The following CRHR2 variants were observed in gnomAD, a reference collection of about 807,000 sequenced individuals.
CRHR2 encodes corticotropin-releasing hormone receptor 2.
Under a neutral mutation model 57.9 loss-of-function variants are expected in CRHR2, and 53 were observed. The ratio of observed to expected loss-of-function variants is 0.92; its 90% confidence interval spans 0.73 to 1.15. The LOEUF (loss-of-function observed/expected upper bound fraction) is 1.15. Ranked by LOEUF, CRHR2 falls within the 50% of genes most tolerant of loss-of-function variation. The probability of loss-of-function intolerance (pLI) is 0.00; values close to 1 mark genes in which losing one functional copy is unlikely to be tolerated. For missense variants in CRHR2, 532 were observed against 542.6 expected (o/e 0.98, Z 0.19); for synonymous variants, 213 against 220.9 (o/e 0.96, Z 0.32).
chr7:30,655,334 G>C (rs951846532), intron 10 of CRHR2, among the ~76,000 whole-genome samples: 1 of 152,180 alleles, frequency 6.6e-6, no homozygotes, highest in African/African-American at 2.4e-5. Flanking sequence ...CAGGGCATTT[G>C]GTTGGGCTGC....
chr7:30,698,403 G>A (rs921515884), intron 1 of CRHR2, among the ~76,000 whole-genome samples: 2 of 152,082 alleles, frequency 1.3e-5, no homozygotes, highest in African/African-American at 2.4e-5. Context: ...CTGGCAGCAT[G>A]GACCCCAGAG....
chr7:30,655,523 G>A (rs1783747653), intron 10 of CRHR2, 57 bp downstream of exon 10: 1 of 1,569,794 alleles, frequency 6.4e-7, no homozygotes. Flanking sequence ...GGGCATGGCT[G>A]CCAGAGCAGC....
chr7:30,668,666 G>C, intron 2 of CRHR2, among the ~76,000 whole-genome samples: 1 of 152,190 alleles, frequency 6.6e-6, no homozygotes, highest in East Asian at 1.9e-4. Flanking sequence ...AGCACTTGCC[G>C]AAGAGCAAAA....
At chr7:30,685,445 T>TG (rs1266624668), upstream of CRHR2, among the ~76,000 whole-genome samples, 1 of 152,194 alleles carries the variant, frequency 6.6e-6, no homozygotes, top group Non-Finnish European at 1.5e-5. Context: ...AGGGAGTCTA[T>TG]TCAGGCACAG....
At chr7:30,672,767 C>T (rs916769382) in intron 2 of CRHR2, among the ~76,000 whole-genome samples, 3 of 152,222 alleles carry the variant, frequency 2.0e-5, no homozygotes, top group Non-Finnish European at 2.9e-5. Flanking sequence ...AAAGCTTTGA[C>T]TGTTCCAAGG....
chr7:30,678,846 A>T (rs1286186161), intron 2 of CRHR2, among the ~76,000 whole-genome samples: 4 of 152,114 alleles, frequency 2.6e-5, no homozygotes, highest in Non-Finnish European at 5.9e-5. Context: ...ATTTGCTCTT[A>T]CAGCCTGCGG....
chr7:30,691,743 C>T (rs181832461), intron 1 of CRHR2, among the ~76,000 whole-genome samples: 118 of 152,316 alleles, frequency 7.7e-4, no homozygotes, highest in African/African-American at 2.6e-3. Flanking sequence ...GCTGACACAG[C>T]CAAAGATACT....
chr7:30,682,516 C>A (rs990738964), upstream of CRHR2: 32 of 1,260,978 alleles, frequency 2.5e-5, no homozygotes, highest in East Asian at 3.4e-5. Flanking sequence ...GCCGCTCCGC[C>A]GCGGCCAATG....
intron 6 of CRHR2, 69 bp from the exon 7 acceptor site, chr7:30,662,285 G>T: frequency 6.4e-7 from 1 of 1,553,426 alleles, no homozygotes; most frequent in South Asian, 1.1e-5. Flanking sequence ...ACATACCGTG[G>T]GGTACCACAA....
intron 10 of CRHR2, 70 bp from the exon 11 acceptor site, chr7:30,655,150 A>C: frequency 6.7e-7 from 1 of 1,493,784 alleles, no homozygotes; most frequent in South Asian, 1.2e-5. Context: ...GTGGGGTGGC[A>C]CTGGGGACAA....
At chr7:30,662,528 C>G (rs1246413470) in intron 6 of CRHR2, among the ~76,000 whole-genome samples, 166 bp downstream of exon 6, 1 of 152,208 alleles carries the variant, frequency 6.6e-6, no homozygotes, top group Non-Finnish European at 1.5e-5. Flanking sequence ...TTGGAGAGAT[C>G]CTTTGCTTGT....
At chr7:30,655,005 T>A (rs969351443) in intron 11 of CRHR2, 34 bp downstream of exon 11, 14 of 1,608,628 alleles carry the variant, frequency 8.7e-6, no homozygotes, top group Non-Finnish European at 1.2e-5. Context: ...AGGACCTGGA[T>A]ATCCCAGGCC....
intron 2 of CRHR2, among the ~76,000 whole-genome samples, chr7:30,672,594 T>C (rs1048288448): frequency 6.6e-6 from 1 of 152,160 alleles, no homozygotes; most frequent in African/African-American, 2.4e-5. Context: ...TACAAAACAG[T>C]CACACATACA....
chr7:30,653,413 G>A lies in CRHR2; in HGVS notation c.*47C>T. 6.3e-7 allele frequency: 1 copy of A among 1,599,026 alleles called. No homozygotes were observed. The highest frequency in any genetic ancestry group is 8.5e-7 in the Non-Finnish European group (1 of 1,172,412). On this transcript the variant is annotated 3_prime_UTR_variant, in exon 12 of 12. Transcript: ENST00000471646. The surrounding 1 kb of genome is among the most constrained non-coding windows in gnomAD (Gnocchi z 5.0). ...GCCCAGCACAGAGAACCCAGAGGAA[G>A]AAGGTGGAGGAGGACAGGGGAGCTG...
intron 2 of CRHR2, among the ~76,000 whole-genome samples, chr7:30,676,561 A>G (rs758457824): frequency 6.6e-6 from 1 of 151,588 alleles, no homozygotes; most frequent in Non-Finnish European, 1.5e-5. Flanking sequence ...GTTTACCCCC[A>G]CTCCCTCCAG....
chr7:30,688,976 C>G (rs1784906795), intron 2 of CRHR2: 1 of 648,910 alleles, frequency 1.5e-6, no homozygotes, highest in Non-Finnish European at 2.9e-6. Context: ...GGCCTCCCAG[C>G]CAAGCCCTTC....
intron 2 of CRHR2, among the ~76,000 whole-genome samples, chr7:30,672,840 T>G (rs539932867): frequency 3.2e-4 from 48 of 152,340 alleles, no homozygotes; most frequent in Admixed American, 1.0e-3. Context: ...AGACAACTTC[T>G]GCATTTGGTC....
exon 2 of CRHR2, chr7:30,689,229 T>G (rs1359592856): frequency 1.3e-5 from 20 of 1,550,382 alleles, no homozygotes; most frequent in Non-Finnish European, 1.7e-5. Flanking sequence ...GTGGCAGTAC[T>G]GCTCCAGAAG....
chr7:30,694,287 C>T (rs1336018844), intron 1 of CRHR2, among the ~76,000 whole-genome samples: 1 of 152,238 alleles, frequency 6.6e-6, no homozygotes, highest in Non-Finnish European at 1.5e-5. Context: ...GTTCCCGCCT[C>T]TCAGTGCCTG....
Sources: gnomAD v4.1 joint callset for allele counts (sites outside exome capture counted in the v4.1 genomes callset) on GRCh38, gnomAD v4.1.1 for gene constraint, Gnocchi (gnomAD v3.1) non-coding constraint, MANE v1.5 for transcripts, NCBI Gene and HGNC (gene_info 2026-07-23, HGNC 2026-07-21) for gene names.